Variants in NR1D2 observed in about 807,000 individuals in gnomAD.
NR1D2 encodes the protein nuclear receptor subfamily 1 group D member 2.
Under a neutral mutation model 52.2 loss-of-function variants are expected in NR1D2, and 25 were observed. That is an observed-to-expected ratio of 0.48 (90% CI 0.35 to 0.67). The LOEUF (loss-of-function observed/expected upper bound fraction) is 0.67, where lower values mean the gene tolerates loss of function less well. NR1D2 is among the 30% of genes least tolerant of loss of function. NR1D2 has a pLI of 0.01. For missense variants in NR1D2, 681 were observed against 707.2 expected (o/e 0.96, Z 0.42); for synonymous variants, 259 against 230.1 (o/e 1.13, Z -1.14).
chr3:23,964,027 A>T (rs1480575035), intron 5 of NR1D2, among the ~76,000 whole-genome samples: 1 of 151,362 alleles, frequency 6.6e-6, no homozygotes, highest in Non-Finnish European at 1.5e-5. Context: ...TTGAACAAGT[A>T]GAAGTCAGTG....
intron 3 of NR1D2, among the ~76,000 whole-genome samples, chr3:23,957,410 T>TTTTTTTC (rs1706111498): frequency 9.9e-6 from 1 of 100,612 alleles, no homozygotes. Flanking sequence ...TTTTTTTTTT[T>TTTTTTTC]TTTTTACAAA....
At chr3:23,977,022 A>G (rs1706743978) in intron 7 of NR1D2, among the ~76,000 whole-genome samples, 1 of 152,096 alleles carries the variant, frequency 6.6e-6, no homozygotes, top group African/African-American at 2.4e-5. Context: ...GTTTTATGTG[A>G]TATATATGCT....
intron 7 of NR1D2, among the ~76,000 whole-genome samples, chr3:23,972,077 T>A (rs540842327): frequency 1.3e-5 from 2 of 152,366 alleles, no homozygotes; most frequent in Non-Finnish European, 2.9e-5. Context: ...TGCTTTATCT[T>A]TAAAATAGCT....
In NR1D2 at chr3:23,964,984, C is replaced by G. The variant is rs1219056431; in HGVS notation, c.1154C>G (p.Pro385Arg). ...CCGTTTTATGTATACTAGGTTTGTC[C>G]AATGAGTAAGTCTCCATATGTGGAT... ...NTGGRMHLVC[P>R]MSKSPYVDPH... Residue 385 changes from proline (P) to arginine (R), a missense_variant, in exon 6 of 8, where the codon CCA becomes CGA. Physicochemically the swap from Pro to Arg is moderately radical, Grantham distance 103. Transcript: ENST00000312521. 5 of 1,608,796 alleles carry G rather than the reference C, an allele frequency of 3.1e-6. No individual in the cohort carries two copies. The highest frequency in any genetic ancestry group is 4.2e-6 in the Non-Finnish European group (5 of 1,177,252).
At chr3:23,959,084 A>G (rs1015568943) in intron 3 of NR1D2, among the ~76,000 whole-genome samples, 1 of 152,206 alleles carries the variant, frequency 6.6e-6, no homozygotes, top group Non-Finnish European at 1.5e-5. Context: ...CCTAGGCAAC[A>G]TGGCAAAACC....
chr3:23,950,266 G>C (rs1705890146), intron 1 of NR1D2, among the ~76,000 whole-genome samples: 2 of 152,176 alleles, frequency 1.3e-5, no homozygotes, highest in African/African-American at 2.4e-5. Flanking sequence ...TGCTTGCTCA[G>C]GTCTTCTCAC....
intron 6 of NR1D2, among the ~76,000 whole-genome samples, chr3:23,966,955 G>C (rs536154182): frequency 6.6e-6 from 1 of 152,072 alleles, no homozygotes; most frequent in East Asian, 1.9e-4. Flanking sequence ...CACTTGAGCC[G>C]GGGAGGTTCA....
rs1007644808 is a variant in NR1D2 at position 23,979,845 on chromosome 3, T to G, written c.*2426T>G. On this transcript the variant is annotated 3_prime_UTR_variant, in exon 8 of 8. Coordinates refer to ENST00000312521, the MANE Select transcript of NR1D2 (RefSeq NM_005126.5). The stretch of plus-strand genomic sequence containing the variant: ...TTGGTGGGACACTGTTGATTAATAA[T>G]GTACTGTATGAATTAAGTGATGCTT... 1 of 152,168 alleles carries G rather than the reference T, an allele frequency of 6.6e-6. No individual in the cohort carries two copies. The highest frequency in any genetic ancestry group is 6.5e-5 in the Admixed American group (1 of 15,280). The allele number at this position is 152,168 out of a possible 1,614,324, so 9.4% of individuals were successfully genotyped here.
At chr3:23,946,409 A>C in intron 1 of NR1D2, 1 of 566,400 alleles carries the variant, frequency 1.8e-6, no homozygotes, top group Non-Finnish European at 2.2e-6. Context: ...GCTTTCCCGA[A>C]GGGATACGCT....
At chr3:23,967,548 G>A (rs1299255738) in intron 6 of NR1D2, among the ~76,000 whole-genome samples, 2 of 151,416 alleles carry the variant, frequency 1.3e-5, no homozygotes, top group Non-Finnish European at 2.9e-5. Flanking sequence ...CCCGGGAGGC[G>A]GAGGTTGCAG....
rs1706186265 is a variant in NR1D2 at position 23,959,754 on chromosome 3, T to C, written c.456T>C (p.Asn152=). ...AAAACTGTTCTATAATGAGAATGAA[T>C]AGGAACAGATGTCAGCAATGTCGCT... ...KNENCSIMRM[N]RNRCQQCRFK... The change falls in exon 4 of 8, where the codon AAT becomes AAC. Residue 152 remains asparagine (N), a synonymous_variant. Coordinates refer to ENST00000312521, the MANE Select transcript of NR1D2 (RefSeq NM_005126.5). The C allele has an allele frequency of 5.6e-6, 9 of 1,613,684 alleles. No homozygotes were observed. The highest frequency in any genetic ancestry group is 7.6e-6 in the Non-Finnish European group (9 of 1,179,814).
At chr3:23,961,389 CTTTTTTTTTTTTTTTT>C (rs869108010) in intron 4 of NR1D2, among the ~76,000 whole-genome samples, 3 of 76,014 alleles carry the variant, frequency 3.9e-5, no homozygotes, top group African/African-American at 1.6e-4. Context: ...CTTTTTCTTT[CTTTTTTTTTTTTTTTT>C]TTTTTTTTAA....
At chr3:23,960,813 A>G (rs1575152703) in intron 4 of NR1D2, among the ~76,000 whole-genome samples, 1 of 152,212 alleles carries the variant, frequency 6.6e-6, no homozygotes, top group Non-Finnish European at 1.5e-5. Context: ...AGTATCAAAC[A>G]TGATTAAGTT....
intron 7 of NR1D2, among the ~76,000 whole-genome samples, chr3:23,975,363 A>G (rs763569791): frequency 3.3e-5 from 5 of 152,050 alleles, no homozygotes; most frequent in South Asian, 2.1e-4. Context: ...AGCTCAAGCA[A>G]TCCTCCTGCC....
chr3:23,947,289 T>C (rs1705761079), intron 1 of NR1D2, among the ~76,000 whole-genome samples: 1 of 152,244 alleles, frequency 6.6e-6, no homozygotes, highest in Admixed American at 6.5e-5. Context: ...CTTCCAATAC[T>C]TCGCTGATCT....
intron 7 of NR1D2, among the ~76,000 whole-genome samples, chr3:23,974,478 C>T (rs568437175): frequency 6.6e-6 from 1 of 152,082 alleles, no homozygotes; most frequent in African/African-American, 2.4e-5. Context: ...AACATTGTTA[C>T]GTGGCACATG....
intron 1 of NR1D2, chr3:23,946,514 G>A: frequency 6.4e-6 from 1 of 156,482 alleles, no homozygotes; most frequent in Non-Finnish European, 1.4e-5. Context: ...AAAAAAAACC[G>A]TTTGCTCTAG....
intron 1 of NR1D2, chr3:23,946,569 A>G (rs1458119283): frequency 1.3e-5 from 2 of 152,358 alleles, no homozygotes; most frequent in African/African-American, 4.8e-5. Flanking sequence ...AACTGCTTCC[A>G]GATCCCTTCG....
chr3:23,975,581 C>A (rs1300167666), intron 7 of NR1D2, among the ~76,000 whole-genome samples: 1 of 151,972 alleles, frequency 6.6e-6, no homozygotes, highest in Non-Finnish European at 1.5e-5. Flanking sequence ...GCCAGCCTGG[C>A]CAAGATGGTG....
Sources: gnomAD v4.1 joint callset for allele counts (sites outside exome capture counted in the v4.1 genomes callset) on GRCh38, gnomAD v4.1.1 for gene constraint, MANE v1.5 for transcripts, NCBI Gene and HGNC (gene_info 2026-07-23, HGNC 2026-07-21) for gene names.